Variants in SMYD3 observed in about 807,000 individuals in gnomAD.
SMYD3 encodes the protein SET and MYND domain containing 3.
SMYD3 carries 36 observed loss-of-function variants against 57.7 expected under a neutral mutation model. The observed-to-expected ratio is 0.62, with a 90% CI of 0.48 to 0.82. The LOEUF is 0.82. SMYD3 is among the 40% of genes least tolerant of loss of function. The probability of loss-of-function intolerance (pLI) is 0.00; values close to 1 mark genes in which losing one functional copy is unlikely to be tolerated. For missense variants in SMYD3, 515 were observed against 538.8 expected, an observed-to-expected ratio of 0.96 and a Z score of 0.44; for synonymous variants, 211 against 195.0, an observed-to-expected ratio of 1.08 and a Z score of -0.68.
intron 1 of SMYD3, among the ~76,000 whole-genome samples, chr1:246,385,813 T>C (rs1037716588): frequency 6.6e-6 from 1 of 152,160 alleles, no homozygotes; most frequent in African/African-American, 2.4e-5. Context: ...AAGTGGGGCT[T>C]TTCTGCACTT....
chr1:246,167,501 G>A (rs981396830), intron 5 of SMYD3, among the ~76,000 whole-genome samples: 38 of 150,922 alleles, frequency 2.5e-4, no homozygotes, highest in African/African-American at 9.0e-4. Flanking sequence ...ACCTCATTAC[G>A]GTTTTTTTTT....
intron 10 of SMYD3, among the ~76,000 whole-genome samples, chr1:245,820,347 C>G (rs111609241): frequency 2.7e-3 from 400 of 148,344 alleles, no homozygotes; most frequent in Non-Finnish European, 3.9e-3. Context: ...ATTCAACAAC[C>G]CTTCATGCTA....
intron 5 of SMYD3, among the ~76,000 whole-genome samples, chr1:246,239,825 A>G (rs1401044949): frequency 3.4e-4 from 51 of 152,010 alleles, no homozygotes; most frequent in Non-Finnish European, 4.4e-5. Flanking sequence ...TTTGATTTGC[A>G]TTTCTCTGAT....
At chr1:246,268,614 G>T (rs559684717) in intron 5 of SMYD3, among the ~76,000 whole-genome samples, 1 of 152,154 alleles carries the variant, frequency 6.6e-6, no homozygotes, top group South Asian at 2.1e-4. Flanking sequence ...TGAGGCAGGG[G>T]AATAGCTTGA....
At chr1:246,453,370 T>C (rs2067658597) in intron 1 of SMYD3, among the ~76,000 whole-genome samples, 1 of 152,216 alleles carries the variant, frequency 6.6e-6, no homozygotes, top group Non-Finnish European at 1.5e-5. Context: ...AGTTGAAACA[T>C]TGTTATAAGT....
At chr1:245,816,420 C>A (rs757292679) in intron 10 of SMYD3, among the ~76,000 whole-genome samples, 1 of 148,202 alleles carries the variant, frequency 6.7e-6, no homozygotes, top group Non-Finnish European at 1.5e-5. Context: ...CAGAATAGGA[C>A]GACTGGAACA....
chr1:246,407,347 T>A (rs1040997200), intron 1 of SMYD3, among the ~76,000 whole-genome samples: 1 of 152,186 alleles, frequency 6.6e-6, no homozygotes, highest in African/African-American at 2.4e-5. Flanking sequence ...GAGTTGTTCA[T>A]CATCTGAGAC....
At chr1:245,825,705 G>A (rs12032427) in intron 10 of SMYD3, among the ~76,000 whole-genome samples, 26,823 of 152,078 alleles carry the variant, frequency 0.18, 2,708 homozygotes, top group East Asian at 0.25. Flanking sequence ...AGCACAGCAA[G>A]AAACAGAACT....
chr1:246,325,568 A>G (rs1466770972), intron 5 of SMYD3, among the ~76,000 whole-genome samples: 1 of 152,168 alleles, frequency 6.6e-6, no homozygotes, highest in East Asian at 1.9e-4. Context: ...ACACTTAATC[A>G]TAGCAACAGA....
intron 5 of SMYD3, among the ~76,000 whole-genome samples, chr1:245,987,010 T>G (rs2058718618): frequency 6.6e-6 from 1 of 152,196 alleles, no homozygotes; most frequent in Non-Finnish European, 1.5e-5. Context: ...ATACCTCCTT[T>G]TAAATGAGTC....
Position 246,109,495 on chromosome 1 carries a change from T to C in SMYD3, c.532-179558A>G, listed in dbSNP as rs115851644. On this transcript the variant is annotated intron_variant, in intron 5 of 11. Transcript: ENST00000490107. Reference sequence around the variant, plus strand: ...CAGAATTTAAGGGAAAATAAATAAATATAGTATGTTCTAAGAATCCAAAGG... The same window carrying C: ...CAGAATTTAAGGGAAAATAAATAAACATAGTATGTTCTAAGAATCCAAAGG... Among the ~76,000 whole-genome samples, 1,054 of 152,302 alleles carry C rather than the reference T, an allele frequency of 6.9e-3. 8 individuals are homozygous for C. The highest frequency in any genetic ancestry group is 0.01 in the Middle Eastern group (3 of 294).
chr1:245,846,622 A>G (rs2050678369), intron 10 of SMYD3, among the ~76,000 whole-genome samples: 1 of 152,224 alleles, frequency 6.6e-6, no homozygotes, highest in South Asian at 2.1e-4. Flanking sequence ...AGGACAAGAG[A>G]GGTTAACATC....
At chr1:246,129,127 A>G (rs973056758) in intron 5 of SMYD3, among the ~76,000 whole-genome samples, 1 of 152,110 alleles carries the variant, frequency 6.6e-6, no homozygotes, top group African/African-American at 2.4e-5. Flanking sequence ...GCGATCCTTC[A>G]AAAAATATGC....
At chr1:246,488,497 G>A (rs1399589116) in intron 1 of SMYD3, among the ~76,000 whole-genome samples, 1 of 152,188 alleles carries the variant, frequency 6.6e-6, no homozygotes, top group Non-Finnish European at 1.5e-5. Context: ...GACCAGCCCT[G>A]ACAACCTGGT....
At chr1:246,021,012 T>A (rs564347913) in intron 5 of SMYD3, among the ~76,000 whole-genome samples, 1 of 152,278 alleles carries the variant, frequency 6.6e-6, no homozygotes, top group East Asian at 1.9e-4. Flanking sequence ...ACAGCAAATT[T>A]GATTGTAAAC....
At chr1:246,060,869 C>T (rs1429189492) in intron 5 of SMYD3, among the ~76,000 whole-genome samples, 1 of 152,222 alleles carries the variant, frequency 6.6e-6, no homozygotes, top group Non-Finnish European at 1.5e-5. Flanking sequence ...GCTGACTACA[C>T]ACATCTATTC....
intron 1 of SMYD3, among the ~76,000 whole-genome samples, chr1:246,481,795 A>AGATCGATC (rs1053453926): frequency 6.8e-6 from 1 of 146,558 alleles, no homozygotes; most frequent in Non-Finnish European, 1.5e-5. Flanking sequence ...AGAGAGAGAG[A>AGATCGATC]GATCGATCGA....
At position 246,202,623 on chromosome 1, in the gene SMYD3, T is replaced by A. The variant is rs1048040258; in HGVS notation, c.531+124578A>T. 6.6e-6 allele frequency among the ~76,000 whole-genome samples: 1 copy of A among 152,258 alleles called. No individual in the cohort carries two copies. Reference sequence around the variant, plus strand: ...TTAAATCCACGCACAGTCTCAGAAATGCAATTCCTCCTTGAAAACAACAGT... The same window carrying A: ...TTAAATCCACGCACAGTCTCAGAAAAGCAATTCCTCCTTGAAAACAACAGT... On this transcript the variant is annotated intron_variant, in intron 5 of 11. Coordinates refer to ENST00000490107, the MANE Select transcript of SMYD3 (RefSeq NM_001167740.2). This position sits in a 1 kb window ranked among gnomAD's most constrained non-coding sequence, Gnocchi z 4.1.
chr1:246,148,313 AG>A (rs968014119), intron 5 of SMYD3, among the ~76,000 whole-genome samples: 6 of 152,128 alleles, frequency 3.9e-5, no homozygotes, highest in African/African-American at 1.4e-4. Context: ...AGAGACCTGC[AG>A]AGATGTCTGA....
Sources: gnomAD v4.1 joint callset for allele counts (sites outside exome capture counted in the v4.1 genomes callset) on GRCh38, gnomAD v4.1.1 for gene constraint, Gnocchi (gnomAD v3.1) non-coding constraint, MANE v1.5 for transcripts, NCBI Gene and HGNC (gene_info 2026-07-23, HGNC 2026-07-21) for gene names.